The following FGF13 variants were observed in gnomAD, a reference collection of about 807,000 sequenced individuals.
FGF13 encodes fibroblast growth factor 13, also known as fibroblast growth factor homologous factor 2.
In FGF13, 2 loss-of-function variants were observed where a neutral mutation model predicts 19.5. The observed-to-expected ratio is 0.10, with a 90% CI of 0.04 to 0.32. The LOEUF (loss-of-function observed/expected upper bound fraction) is 0.32, where lower values mean the gene tolerates loss of function less well. Among genes scored for constraint, FGF13 ranks in the 10% least tolerant of loss-of-function variants. FGF13 has a pLI of 1.00. For missense variants in FGF13, 113 were observed against 192.7 expected, an observed-to-expected ratio of 0.59 and a Z score of 2.45; for synonymous variants, 72 against 76.9, an observed-to-expected ratio of 0.94 and a Z score of 0.33.
intron 1 of FGF13, among the ~76,000 whole-genome samples, chrX:138,977,250 G>A (rs2091943341): frequency 3.6e-5 from 4 of 111,626 alleles, no homozygotes; most frequent in Admixed American, 2.8e-4. Context: ...TTTTCTTGAC[G>A]TATATTAAGT....
intron 3 of FGF13, among the ~76,000 whole-genome samples, chrX:138,813,182 T>A (rs1161396292): frequency 8.9e-6 from 1 of 112,123 alleles, no homozygotes; most frequent in African/African-American, 3.2e-5. Flanking sequence ...TTTGAGTATA[T>A]ACCCAGTAAT....
chrX:139,150,799 A>G (rs1274978399), intron 1 of FGF13, among the ~76,000 whole-genome samples: 5 of 111,666 alleles, frequency 4.5e-5, no homozygotes, highest in Admixed American at 9.5e-5. Context: ...AGTGAACCTA[A>G]GAGATACAAG....
intron 3 of FGF13, among the ~76,000 whole-genome samples, chrX:138,637,093 G>T (rs1289064458): frequency 9.0e-6 from 1 of 111,623 alleles, no homozygotes; most frequent in Non-Finnish European, 1.9e-5. Context: ...TATCTTTTGG[G>T]GTTATTTCAG....
intron 1 of FGF13, among the ~76,000 whole-genome samples, chrX:139,082,746 A>G (rs1347766460): frequency 7.1e-5 from 8 of 111,923 alleles, no homozygotes; most frequent in Non-Finnish European, 1.3e-4. Context: ...AATTTCCATT[A>G]TTTTAAGCCA....
rs138256947 is a variant in FGF13 at position 139,149,291 on chromosome X, T to A, written c.-113+54125A>T. Among the ~76,000 whole-genome samples the A allele has an allele frequency of 3.6e-4, 40 of 112,210 alleles. No homozygotes were observed. The East Asian group carries it at 0.011, about 32-fold the overall frequency. On this transcript the variant is annotated intron_variant, in intron 1 of 2. Coordinates refer to the FGF13 transcript ENST00000421460. Reference sequence around the variant, plus strand: ...CATTTCTAGACCTGTGCACATAATATGTACTATTGCAATACATTAGATTAA... The same window carrying A: ...CATTTCTAGACCTGTGCACATAATAAGTACTATTGCAATACATTAGATTAA...
chrX:139,063,323 C>T (rs5931565), intron 1 of FGF13, among the ~76,000 whole-genome samples: 54,681 of 110,666 alleles, frequency 0.49, 10,004 homozygotes, highest in Middle Eastern at 0.61. Context: ...TGCTCTCTTA[C>T]ATTATCTGTG....
At chrX:138,963,799 T>C (rs2091884432) in intron 1 of FGF13, among the ~76,000 whole-genome samples, 1 of 112,014 alleles carries the variant, frequency 8.9e-6, no homozygotes, top group South Asian at 3.7e-4. Context: ...CCTATTTGAA[T>C]GTTTAAAAAA....
At chrX:138,700,931 A>G (rs1488405771) in intron 3 of FGF13, among the ~76,000 whole-genome samples, 1 of 111,804 alleles carries the variant, frequency 8.9e-6, no homozygotes, top group Non-Finnish European at 1.9e-5. Context: ...ATTGACATTT[A>G]CCAGTTTGCT....
intron 1 of FGF13, among the ~76,000 whole-genome samples, chrX:139,145,985 C>G (rs2083885370): frequency 9.0e-6 from 1 of 111,644 alleles, no homozygotes; most frequent in African/African-American, 3.3e-5. Context: ...GGATTAAAGA[C>G]TTAAATGTTA....
chrX:139,185,524 T>C (rs1425375149), intron 1 of FGF13, among the ~76,000 whole-genome samples: 1 of 111,729 alleles, frequency 9.0e-6, no homozygotes, highest in Non-Finnish European at 1.9e-5. Context: ...GAGAAGACCA[T>C]ATTGCTACAA....
chrX:138,952,386 G>A (rs2091817870), intron 1 of FGF13, among the ~76,000 whole-genome samples: 2 of 111,988 alleles, frequency 1.8e-5, no homozygotes, highest in Admixed American at 1.9e-4. Flanking sequence ...ATAGAAAGCT[G>A]AAACTGGATC....
intron 3 of FGF13, among the ~76,000 whole-genome samples, chrX:138,760,661 C>T (rs941587565): frequency 8.9e-6 from 1 of 112,102 alleles, no homozygotes; most frequent in Non-Finnish European, 1.9e-5. Flanking sequence ...TGAAGCTCAG[C>T]AAGTTTAACT....
At chrX:139,111,559 C>A (rs2124465183) in intron 1 of FGF13, among the ~76,000 whole-genome samples, 1 of 111,926 alleles carries the variant, frequency 8.9e-6, no homozygotes, top group African/African-American at 3.2e-5. Flanking sequence ...TAAAGCATAT[C>A]AATATTAACT....
At chrX:139,100,224 C>T (rs1377847626) in intron 1 of FGF13, among the ~76,000 whole-genome samples, 4 of 111,395 alleles carry the variant, frequency 3.6e-5, no homozygotes, top group African/African-American at 1.3e-4. Context: ...TGGAACATTG[C>T]TTTACCATGT....
intron 1 of FGF13, among the ~76,000 whole-genome samples, chrX:139,102,206 T>C (rs192880950): frequency 3.6e-5 from 4 of 112,019 alleles, no homozygotes; most frequent in East Asian, 2.8e-4. Context: ...GAAAATAAAT[T>C]TGTGCTTGGA....
At chrX:138,984,523 G>GAAGAAGAA (rs2091979498) in intron 1 of FGF13, among the ~76,000 whole-genome samples, 9 of 31,573 alleles carry the variant, frequency 2.9e-4, no homozygotes, top group East Asian at 1.4e-3. Flanking sequence ...AAGAAGAAGA[G>GAAGAAGAA]GAAGAAGAAG....
intron 3 of FGF13, among the ~76,000 whole-genome samples, chrX:138,745,677 T>TA (rs2090350617): frequency 8.9e-6 from 1 of 112,396 alleles, no homozygotes. Context: ...TAATGTCAAA[T>TA]TCTTACTCTA....
rs139494366 is a variant in FGF13, at chrX:138,706,911, C to T, written c.298+1907G>A. On this transcript the variant is annotated intron_variant, in intron 2 of 4. Coordinates refer to ENST00000315930, the MANE Select transcript of FGF13 (RefSeq NM_004114.5). Reference sequence around the variant, plus strand: ...TATTGAGATACTTTCCATTTGTATGCATCAGGTTATGACAATACTTACCTT... The same window carrying T: ...TATTGAGATACTTTCCATTTGTATGTATCAGGTTATGACAATACTTACCTT... Among the ~76,000 whole-genome samples the T allele has an allele frequency of 2.3e-3, 255 of 112,381 alleles. 1 individual carries two copies. Among genetic ancestry groups the T allele is most frequent in the African/African-American group, 7.7e-3 (238 of 30,975 alleles).
chrX:139,020,594 G>A (rs1023860096), intron 1 of FGF13, among the ~76,000 whole-genome samples: 3 of 111,393 alleles, frequency 2.7e-5, no homozygotes, highest in East Asian at 2.8e-4. Flanking sequence ...TAGCATTGAC[G>A]AAGAGATCAA....
Sources: allele counts gnomAD v4.1 joint callset (sites outside exome capture counted in the v4.1 genomes callset), GRCh38; gene constraint gnomAD v4.1.1; transcripts MANE v1.5; gene names NCBI Gene and HGNC (gene_info 2026-07-23, HGNC 2026-07-21).